CSGALNACT1: variants seen among roughly 807,000 people sequenced by gnomAD.
The protein encoded by CSGALNACT1 is beta4GalNAcT-1.
CSGALNACT1 carries 52 observed loss-of-function variants against 51.0 expected under a neutral mutation model. The observed-to-expected ratio is 1.02, with a 90% CI of 0.82 to 1.29. The LOEUF (loss-of-function observed/expected upper bound fraction) is 1.29. Ranked by LOEUF, CSGALNACT1 falls within the 50% of genes most tolerant of loss-of-function variation. The probability of loss-of-function intolerance (pLI) is 0.00; values close to 1 mark genes in which losing one functional copy is unlikely to be tolerated. For missense variants in CSGALNACT1, 935 were observed against 679.2 expected (o/e 1.38, Z -4.19); for synonymous variants, 341 against 254.4 (o/e 1.34, Z -3.24).
chr8:19,715,675 G>A (rs975937868), intron 1 of CSGALNACT1, among the ~76,000 whole-genome samples: 5 of 152,124 alleles, frequency 3.3e-5, no homozygotes, highest in Admixed American at 2.0e-4. Context: ...TGAAAGTGTG[G>A]GAGAATAAAG....
At chr8:19,637,376 T>C (rs1046916327) in intron 1 of CSGALNACT1, among the ~76,000 whole-genome samples, 6 of 152,212 alleles carry the variant, frequency 3.9e-5, no homozygotes, top group African/African-American at 1.4e-4. Flanking sequence ...CTTTTTTATT[T>C]ACCATATGCA....
rs4631483 is a variant in CSGALNACT1 at position 19,500,412 on chromosome 8, G to A, written c.634+4789C>T. On this transcript the variant is annotated intron_variant, in intron 4 of 9. Coordinates refer to ENST00000454498, the Ensembl canonical transcript of CSGALNACT1. ...TGTCCACATACCTCTCAAATGCCCA[G>A]AATGCACCTGAAAGGCTGTCTTATG... Among the ~76,000 whole-genome samples, 65 of 151,618 alleles carry A rather than the reference G, an allele frequency of 4.3e-4. 1 individual carries two copies. The East Asian group carries it at 0.012, about 27-fold the overall frequency.
intron 3 of CSGALNACT1, among the ~76,000 whole-genome samples, chr8:19,542,150 A>G (rs1311613128): frequency 6.6e-6 from 1 of 151,998 alleles, no homozygotes; most frequent in African/African-American, 2.4e-5. Flanking sequence ...TCCTTGATTT[A>G]GACAAAATTT....
In CSGALNACT1 at chr8:19,620,536, G is replaced by A. The variant is rs146418283; in HGVS notation, c.-543-18671C>T. 4.1e-3 allele frequency among the ~76,000 whole-genome samples: 622 copies of A among 151,360 alleles called. 7 individuals are homozygous for A. Among genetic ancestry groups the A allele is most frequent in the African/African-American group, 0.015 (597 of 41,170 alleles). On this transcript the variant is annotated intron_variant, in intron 1 of 9. Transcript: ENST00000332246. ...CTGTCTCCACCTCCCATGCTCAAGC[G>A]ATCCTCCCACCTCAGCCACCTGAGG...
chr8:19,570,797 G>A (rs1322748713), intron 3 of CSGALNACT1, among the ~76,000 whole-genome samples: 2 of 152,120 alleles, frequency 1.3e-5, no homozygotes, highest in Non-Finnish European at 2.9e-5. Flanking sequence ...CTACTTGGGA[G>A]GCTGAAGCAC....
At chr8:19,409,044 G>A (rs1167803186) in intron 8 of CSGALNACT1, among the ~76,000 whole-genome samples, 1 of 151,890 alleles carries the variant, frequency 6.6e-6, no homozygotes, top group Non-Finnish European at 1.5e-5. Context: ...CTACGTGCCT[G>A]GCCCCACACC....
intron 1 of CSGALNACT1, chr8:19,678,422 A>G (rs550913549): frequency 6.6e-6 from 1 of 152,236 alleles, no homozygotes; most frequent in Non-Finnish European, 1.5e-5. Context: ...CAGGAAGGGT[A>G]ACTATTACAG....
intron 3 of CSGALNACT1, chr8:19,588,024 C>G (rs1001586227): frequency 3.3e-5 from 5 of 152,110 alleles, no homozygotes; most frequent in Non-Finnish European, 5.9e-5. Flanking sequence ...AACGCCGTCT[C>G]TATAAAGAAT....
intron 1 of CSGALNACT1, among the ~76,000 whole-genome samples, chr8:19,662,900 C>T (rs1371283716): frequency 2.6e-5 from 4 of 152,140 alleles, no homozygotes; most frequent in African/African-American, 7.2e-5. Context: ...CCTTCAACCA[C>T]TCCCATGAAA....
chr8:19,417,796 C>T (rs531794578), intron 8 of CSGALNACT1, among the ~76,000 whole-genome samples: 16 of 152,304 alleles, frequency 1.1e-4, no homozygotes, highest in Admixed American at 7.8e-4. Context: ...AAAATCACAG[C>T]CCAACTTGAG....
At chr8:19,498,910 T>G (rs373117633) in intron 4 of CSGALNACT1, among the ~76,000 whole-genome samples, 65 of 152,298 alleles carry the variant, frequency 4.3e-4, no homozygotes, top group Middle Eastern at 3.4e-3. Flanking sequence ...GGCCAGGAGC[T>G]CAAGACCAGC....
At chr8:19,601,082 G>C (rs1196287103) in intron 2 of CSGALNACT1, among the ~76,000 whole-genome samples, 2 of 151,624 alleles carry the variant, frequency 1.3e-5, no homozygotes, top group Admixed American at 6.6e-5. Context: ...GTTTTATTTT[G>C]TATTTTTTAA....
intron 4 of CSGALNACT1, among the ~76,000 whole-genome samples, chr8:19,459,658 C>CAA (rs1346770694): frequency 6.6e-6 from 1 of 152,168 alleles, no homozygotes; most frequent in Non-Finnish European, 1.5e-5. Flanking sequence ...TGCCTGGGTT[C>CAA]AAATCCTGGC....
intron 6 of CSGALNACT1, among the ~76,000 whole-genome samples, chr8:19,427,720 G>A (rs114861993): frequency 0.01 from 1,528 of 152,050 alleles, 22 homozygotes; most frequent in African/African-American, 0.033. Flanking sequence ...CCCAGTGGGC[G>A]AAGCTTGCCG....
intron 4 of CSGALNACT1, among the ~76,000 whole-genome samples, chr8:19,483,450 T>C (rs1003133038): frequency 3.9e-5 from 6 of 152,236 alleles, no homozygotes; most frequent in African/African-American, 1.2e-4. Flanking sequence ...TTCACCAAGC[T>C]CTGCCCTGCC....
chr8:19,743,612 G>T (rs934763273), intron 1 of CSGALNACT1, among the ~76,000 whole-genome samples: 2 of 152,130 alleles, frequency 1.3e-5, no homozygotes, highest in African/African-American at 2.4e-5. Context: ...TTTCAGTGAT[G>T]GTGGTTTGAT....
chr8:19,439,008 C>T (rs2060857076), intron 6 of CSGALNACT1, among the ~76,000 whole-genome samples: 1 of 152,216 alleles, frequency 6.6e-6, no homozygotes, highest in South Asian at 2.1e-4. Flanking sequence ...CTGAGTACCA[C>T]TGGCCATACT....
intron 1 of CSGALNACT1, among the ~76,000 whole-genome samples, chr8:19,708,517 G>A (rs2062315248): frequency 6.6e-6 from 1 of 152,192 alleles, no homozygotes; most frequent in African/African-American, 2.4e-5. Context: ...AAGCAGCATA[G>A]CTCCAACTAC....
intron 6 of CSGALNACT1, among the ~76,000 whole-genome samples, chr8:19,430,271 A>G (rs1463611955): frequency 6.6e-6 from 1 of 152,216 alleles, no homozygotes; most frequent in Non-Finnish European, 1.5e-5. Flanking sequence ...ATCACTGCCT[A>G]ATCCAAGGTC....
Sources: allele counts gnomAD v4.1 joint callset (sites outside exome capture counted in the v4.1 genomes callset), GRCh38; gene constraint gnomAD v4.1.1; transcripts MANE v1.5; gene names NCBI Gene and HGNC (gene_info 2026-07-23, HGNC 2026-07-21).